Variants in ADAM7 observed in about 807,000 individuals in gnomAD.
ADAM7 encodes disintegrin and metalloproteinase domain-containing protein 7.
In ADAM7, 97 loss-of-function variants were observed where a neutral mutation model predicts 102.9. That is an observed-to-expected ratio of 0.94 (90% CI 0.80 to 1.12). The LOEUF (loss-of-function observed/expected upper bound fraction) is 1.12. Ranked by LOEUF, ADAM7 falls within the 50% of genes most tolerant of loss-of-function variation. The probability of loss-of-function intolerance (pLI) is 0.00; values close to 1 mark genes in which losing one functional copy is unlikely to be tolerated. For missense variants in ADAM7, 991 were observed against 908.7 expected (o/e 1.09, Z -1.16); for synonymous variants, 334 against 304.4 (o/e 1.10, Z -1.01).
At chr8:24,471,606 A>G (rs888683767) in intron 7 of ADAM7, among the ~76,000 whole-genome samples, 2 of 152,126 alleles carry the variant, frequency 1.3e-5, no homozygotes, top group Non-Finnish European at 2.9e-5. Flanking sequence ...ACAATAGGCT[A>G]TACCATATGG....
intron 19 of ADAM7, 45 bp downstream of exon 19, chr8:24,500,940 G>C (rs1289337830): frequency 6.8e-7 from 1 of 1,481,124 alleles, no homozygotes; most frequent in Non-Finnish European, 9.4e-7. Context: ...AATTGTTACT[G>C]AGAATATGTA....
At chr8:24,464,630 C>T (rs1293174412) in intron 4 of ADAM7, among the ~76,000 whole-genome samples, 3 of 152,224 alleles carry the variant, frequency 2.0e-5, no homozygotes, top group African/African-American at 7.2e-5. Context: ...GAAACAGAGC[C>T]TCACTCTGTT....
intron 8 of ADAM7, among the ~76,000 whole-genome samples, chr8:24,478,652 C>T (rs924671375): frequency 6.6e-6 from 1 of 152,148 alleles, no homozygotes; most frequent in Non-Finnish European, 1.5e-5. Flanking sequence ...TCCATGTTTT[C>T]CATTAGAGCC....
At chr8:24,494,659 G>A (rs1383445968) in intron 16 of ADAM7, among the ~76,000 whole-genome samples, 1 of 152,114 alleles carries the variant, frequency 6.6e-6, no homozygotes, top group Non-Finnish European at 1.5e-5. Flanking sequence ...TTCTAATGAG[G>A]AAATTCATGC....
intron 20 of ADAM7, among the ~76,000 whole-genome samples, chr8:24,501,803 A>G (rs1820770218): frequency 1.3e-5 from 2 of 152,106 alleles, no homozygotes; most frequent in African/African-American, 4.8e-5. Context: ...ATCAGAGCAG[A>G]ATATATTGGT....
Position 24,492,066 on chromosome 8 carries a change from G to T in ADAM7, c.1520G>T (p.Arg507Leu), listed in dbSNP as rs761425222. The T allele has an allele frequency of 2.0e-5, 32 of 1,613,696 alleles. 1 individual carries two copies. The South Asian group carries it at 3.3e-4, about 17-fold the overall frequency. The change falls in exon 14 of 22, where the codon CGT becomes CTT. Residue 507 changes from arginine (R) to leucine (L), a missense_variant. By Grantham distance (102) the Arg-to-Leu change is moderately radical. Transcript: ENST00000175238. ...GYCFMGKCPT[R>L]EDQCSELFDD... is the part of the protein sequence containing the mutation. ...TGTTTCATGGGGAAATGTCCAACTCGTGAGGATCAGTGCTCTGAACTATTT... is the reference window on the plus strand; with the variant it reads ...TGTTTCATGGGGAAATGTCCAACTCTTGAGGATCAGTGCTCTGAACTATTT...
intron 16 of ADAM7, among the ~76,000 whole-genome samples, chr8:24,494,246 GTC>G (rs1479396316): frequency 6.6e-6 from 1 of 152,112 alleles, no homozygotes; most frequent in Non-Finnish European, 1.5e-5. Context: ...TACATTTTGA[GTC>G]TATATATTTA....
intron 8 of ADAM7, among the ~76,000 whole-genome samples, chr8:24,480,043 GC>G (rs1400547628): frequency 6.6e-6 from 1 of 152,144 alleles, no homozygotes; most frequent in African/African-American, 2.4e-5. Context: ...TTTCCCCCAT[GC>G]CTTTTTGTAA....
intron 2 of ADAM7, among the ~76,000 whole-genome samples, chr8:24,444,760 C>T (rs182086345): frequency 2.3e-4 from 34 of 150,680 alleles, no homozygotes; most frequent in Admixed American, 5.9e-4. Context: ...GACAACTAAA[C>T]GTAGTGTGGA....
chr8:24,508,977 T>A lies in ADAM7; in HGVS notation c.*431T>A. On this transcript the variant is annotated 3_prime_UTR_variant, in exon 22 of 22. Coordinates refer to ENST00000175238, the MANE Select transcript of ADAM7 (RefSeq NM_003817.4). Reference sequence around the variant, plus strand: ...TTTTAAAACTTGAACATGACATCATTAGCACTAATTCTGGTTTAAATGAAA... The same window carrying A: ...TTTTAAAACTTGAACATGACATCATAAGCACTAATTCTGGTTTAAATGAAA... 1.0e-6 allele frequency: 1 copy of A among 1,001,808 alleles called. No homozygotes were observed. The highest frequency in any genetic ancestry group is 1.2e-6 in the Non-Finnish European group (1 of 840,638). The allele number at this position is 1,001,808 out of a possible 1,614,324, so 62.1% of individuals were successfully genotyped here. A position where few individuals can be genotyped will look rare whatever the true frequency, so the allele number is the denominator to read the frequency against.
intron 8 of ADAM7, among the ~76,000 whole-genome samples, chr8:24,481,275 T>A (rs143299849): frequency 2.2e-3 from 341 of 152,260 alleles, no homozygotes; most frequent in African/African-American, 7.2e-3. Flanking sequence ...ATCATGTAGG[T>A]TAAGAAAAGT....
rs183783387 is a variant in ADAM7 at position 24,508,633 on chromosome 8, G to A, written c.*87G>A. The A allele has an allele frequency of 1.5e-5, 24 of 1,597,528 alleles. No homozygotes were observed. The highest frequency in any genetic ancestry group is 2.1e-5 in the Non-Finnish European group (24 of 1,170,064). Reference sequence around the variant, plus strand: ...TCTTTACAACCTTACCTAGATATCTGCTACTCACATTTTTGGTAGTGTTTC... The same window carrying A: ...TCTTTACAACCTTACCTAGATATCTACTACTCACATTTTTGGTAGTGTTTC... On this transcript the variant is annotated 3_prime_UTR_variant, in exon 22 of 22. Coordinates refer to ENST00000175238, the MANE Select transcript of ADAM7 (RefSeq NM_003817.4).
intron 2 of ADAM7, among the ~76,000 whole-genome samples, chr8:24,445,743 A>C (rs1278269497): frequency 6.6e-6 from 1 of 152,066 alleles, no homozygotes; most frequent in Non-Finnish European, 1.5e-5. Flanking sequence ...TAAGGCCCAA[A>C]TCTTTGACTT....
chr8:24,471,413 C>T (rs1240973603), intron 7 of ADAM7, among the ~76,000 whole-genome samples: 1 of 151,742 alleles, frequency 6.6e-6, no homozygotes, highest in African/African-American at 2.4e-5. Context: ...CCAGAGAAAC[C>T]TCCAGGCCTA....
At chr8:24,454,500 G>A (rs573218884) in intron 3 of ADAM7, among the ~76,000 whole-genome samples, 4 of 152,298 alleles carry the variant, frequency 2.6e-5, no homozygotes, top group South Asian at 4.2e-4. Context: ...TTTTAAGCCC[G>A]TCGGAAAAGT....
At position 24,485,292 on chromosome 8, in the gene ADAM7, C is replaced by G. The variant is rs774415510; in HGVS notation, c.891C>G (p.Tyr297Ter). 1 of 1,613,458 alleles carries G rather than the reference C, an allele frequency of 6.2e-7. No individual in the cohort carries two copies. Among genetic ancestry groups the G allele is most frequent in the Admixed American group, 1.7e-5 (1 of 59,936 alleles). Residue 297 changes from tyrosine (Y) to a stop codon, truncating the protein, a stop_gained, in exon 10 of 22, where the codon TAC becomes TAG. Transcript: ENST00000175238. LOFTEE classifies it high-confidence loss of function. The stretch of plus-strand genomic sequence containing the variant: ...TTTTTCATAGTGGGAAGTGGCTCTA[C>G]TCACATGTGCAAGGAATTTCTTATC... ...HVVLLSGKWL[Y>*]SHVQGISYPG...
At chr8:24,455,655 C>A (rs1412614783) in intron 3 of ADAM7, among the ~76,000 whole-genome samples, 1 of 152,248 alleles carries the variant, frequency 6.6e-6, no homozygotes, top group Non-Finnish European at 1.5e-5. Context: ...GTCCTCCTGC[C>A]TTGGCCTCCC....
rs879728124 is a variant in ADAM7, at chr8:24,499,831, ACACAT to A, written c.1924-342_1924-338del. 8.5e-3 allele frequency among the ~76,000 whole-genome samples: 1,258 copies of A among 148,320 alleles called. 9 individuals carry two copies. The highest frequency in any genetic ancestry group is 0.028 in the Middle Eastern group (8 of 290). On this transcript the variant is annotated intron_variant, in intron 17 of 21. Transcript: ENST00000175238. ...ACACACACACACACACACACACATC[ACACAT>A]CACACACACACACACACATACATAT...
chr8:24,501,493 C>A lies in ADAM7; in HGVS notation c.2125C>A (p.Leu709Met), dbSNP rs766709603. The A allele has an allele frequency of 6.2e-7, 1 of 1,607,940 alleles. No individual in the cohort carries two copies. The highest frequency in any genetic ancestry group is 8.5e-7 in the Non-Finnish European group (1 of 1,177,780). The change falls in exon 20 of 22, where the codon CTG (leucine) becomes ATG (methionine). Residue 709 changes from leucine to methionine, a missense_variant. Physicochemically the swap from Leu to Met is conservative, Grantham distance 15. Transcript: ENST00000175238. ...TCTTGACAGCCCACCTACAGAAACC[C>A]TGGGAGTGGAGAACAAAGGATACTT... is the stretch of plus-strand genomic sequence containing the variant. ...KQVQSPPTET[L>M]GVENKGYFGD...
Sources: gnomAD v4.1 joint callset for allele counts (sites outside exome capture counted in the v4.1 genomes callset) on GRCh38, gnomAD v4.1.1 for gene constraint, MANE v1.5 for transcripts, NCBI Gene and HGNC (gene_info 2026-07-23, HGNC 2026-07-21) for gene names.